The following LRTM3 variants were observed in gnomAD, a reference collection of about 807,000 sequenced individuals.
LRTM3 encodes the protein leucine rich repeat transmembrane protein 3.
the LRTM3 span, chr13:102,734,186 A>AT: frequency 1.9e-6 from 3 of 1,551,416 alleles, no homozygotes; most frequent in Admixed American, 5.9e-5. Flanking sequence ...CCTGAACCTC[A>AT]TATCTATCGT....
At chr13:102,745,586 T>A in the LRTM3 span, 1 of 1,551,044 alleles carries the variant, frequency 6.4e-7, no homozygotes, top group Non-Finnish European at 8.7e-7. Context: ...ACATTTGGGA[T>A]TCACTAAAGT....
chr13:102,748,604 A>C, the LRTM3 span: 2 of 1,550,830 alleles, frequency 1.3e-6, no homozygotes, highest in Admixed American at 3.9e-5. Context: ...AAGTTTCTGC[A>C]TAGGTTTTGA....
At chr13:102,738,997 C>T in the LRTM3 span, 2 of 1,550,296 alleles carry the variant, frequency 1.3e-6, no homozygotes, top group Non-Finnish European at 1.7e-6. Flanking sequence ...CATCAATTGG[C>T]TGCTCACATT....
the LRTM3 span, chr13:102,740,417 A>G: frequency 1.9e-6 from 3 of 1,550,244 alleles, no homozygotes; most frequent in South Asian, 1.2e-5. Context: ...TCCTTCTGAT[A>G]ATGCTTCCTT....
chr13:102,756,143 G>A, the LRTM3 span, among the ~76,000 whole-genome samples: 1 of 150,626 alleles, frequency 6.6e-6, no homozygotes, highest in Non-Finnish European at 1.5e-5. Flanking sequence ...AGTAGAGATG[G>A]GGTTTCACCA....
At chr13:102,729,646 A>C in the LRTM3 span, 1 of 1,514,566 alleles carries the variant, frequency 6.6e-7, no homozygotes, top group Non-Finnish European at 8.9e-7. Context: ...GTACACAGGC[A>C]AAAAAAAAGG....
chr13:102,749,501 A>T, the LRTM3 span: 1 of 1,551,394 alleles, frequency 6.4e-7, no homozygotes, highest in Non-Finnish European at 8.7e-7. Context: ...TATAAACCAA[A>T]CACAATGTTG....
At chr13:102,737,542 C>T in the LRTM3 span, 13 of 1,550,736 alleles carry the variant, frequency 8.4e-6, no homozygotes, top group Non-Finnish European at 2.6e-6. Context: ...CTTTCCCTTG[C>T]TCCTGGCCTT....
At chr13:102,754,830 T>G in the LRTM3 span, among the ~76,000 whole-genome samples, 11 of 152,156 alleles carry the variant, frequency 7.2e-5, no homozygotes, top group Admixed American at 6.5e-4. Context: ...GCAGAACCAG[T>G]TGTAAATCAA....
chr13:102,748,202 T>G, the LRTM3 span: 3 of 1,551,214 alleles, frequency 1.9e-6, no homozygotes, highest in Admixed American at 3.9e-5. Flanking sequence ...TTTATCTTGA[T>G]GCATATTTGT....
the LRTM3 span, chr13:102,736,928 C>T: frequency 1.3e-6 from 2 of 1,550,968 alleles, no homozygotes; most frequent in Admixed American, 2.0e-5. Context: ...TCTTGTTACT[C>T]CTTGTTCCTC....
chr13:102,740,518 C>T, the LRTM3 span: 1 of 1,549,878 alleles, frequency 6.5e-7, no homozygotes, highest in Non-Finnish European at 8.7e-7. Flanking sequence ...TTGGTAGGTA[C>T]TGCCATTTTT....
the LRTM3 span, chr13:102,746,755 A>G: frequency 2.6e-6 from 4 of 1,551,064 alleles, no homozygotes; most frequent in Non-Finnish European, 3.5e-6. Flanking sequence ...CAAAACAGTA[A>G]CCCATTTCTC....
At chr13:102,735,994 A>G in the LRTM3 span, 243 of 1,549,866 alleles carry the variant, frequency 1.6e-4, 1 homozygote, top group Non-Finnish European at 1.4e-4. Context: ...CTGCCCTCAA[A>G]TGTATCCTTT....
the LRTM3 span, among the ~76,000 whole-genome samples, chr13:102,757,986 T>C: frequency 6.6e-6 from 1 of 152,248 alleles, no homozygotes; most frequent in Non-Finnish European, 1.5e-5. Flanking sequence ...AGCACGGAGA[T>C]AACTTTACAA....
chr13:102,739,796 G>A, the LRTM3 span: 3 of 1,548,932 alleles, frequency 1.9e-6, no homozygotes, highest in East Asian at 4.9e-5. Flanking sequence ...TTTGAAGTGA[G>A]GTAAAGAAAG....
the LRTM3 span, chr13:102,746,842 T>TA: frequency 6.4e-7 from 1 of 1,551,310 alleles, no homozygotes; most frequent in South Asian, 1.2e-5. Context: ...ATTTTCCTGA[T>TA]ATTGGAGAAG....
the LRTM3 span, chr13:102,738,443 G>T: frequency 6.4e-7 from 1 of 1,550,700 alleles, no homozygotes; most frequent in South Asian, 1.2e-5. Context: ...GCAGGCATTT[G>T]TCAGAAGCAC....
At chr13:102,750,027 C>T in the LRTM3 span, 1 of 1,549,922 alleles carries the variant, frequency 6.5e-7, no homozygotes, top group Non-Finnish European at 8.7e-7. Flanking sequence ...TCATTTTCTA[C>T]AGTGAATCTA....
Sources: gnomAD v4.1 joint callset for allele counts (sites outside exome capture counted in the v4.1 genomes callset) on GRCh38, gnomAD v4.1.1 for gene constraint, MANE v1.5 for transcripts, NCBI Gene and HGNC (gene_info 2026-07-23, HGNC 2026-07-21) for gene names.